FAM110C: variants seen among roughly 807,000 people sequenced by gnomAD.
FAM110C encodes family with sequence similarity 110 member C.
FAM110C carries 19 observed loss-of-function variants against 15.7 expected under a neutral mutation model. The observed-to-expected ratio is 1.21, with a 90% CI of 0.85 to 1.78. The LOEUF (loss-of-function observed/expected upper bound fraction) is 1.78, where lower values mean the gene tolerates loss of function less well. FAM110C is among the 40% of genes most tolerant of loss of function. The pLI, the probability that FAM110C is intolerant of heterozygous loss-of-function variation, is 0.00. For synonymous variants in FAM110C, 275 were observed against 233.9 expected (o/e 1.18, Z -1.61); for missense variants, 547 against 495.7 (o/e 1.10, Z -0.98).
At chr2:45,124 G>A (rs893806239) in intron 1 of FAM110C, 1 of 985,288 alleles carries the variant, frequency 1.0e-6, no homozygotes, top group African/African-American at 1.7e-5. Context: ...CAGCATTTTG[G>A]ATTTCTCCTG....
chr2:41,334 C>G lies in FAM110C; in HGVS notation c.*274G>C. Reference sequence around the variant, plus strand: ...CAAGTCAGTCAAAAAGATTTCCAAACAGCTTTACGGTTTCCAGCTGCCCTC... The same window carrying G: ...CAAGTCAGTCAAAAAGATTTCCAAAGAGCTTTACGGTTTCCAGCTGCCCTC... On this transcript the variant is annotated 3_prime_UTR_variant, in exon 2 of 2. Coordinates refer to ENST00000327669, the MANE Select transcript of FAM110C (RefSeq NM_001077710.3). 1 of 389,246 alleles carries G rather than the reference C, an allele frequency of 2.6e-6. No individual in the cohort carries two copies. Among genetic ancestry groups the G allele is most frequent in the Non-Finnish European group, 4.5e-6 (1 of 219,794 alleles). 24.1% of individuals were successfully genotyped at this position (389,246 alleles called of 1,614,324 possible).
intron 1 of FAM110C, 93 bp from the exon 2 acceptor site, chr2:41,720 A>G: frequency 1.4e-6 from 2 of 1,472,046 alleles, no homozygotes; most frequent in Non-Finnish European, 1.8e-6. Context: ...TGGTCCCTGT[A>G]GTTTTTGTTT....
Position 46,413 on chromosome 2 carries a change from T to G in FAM110C, c.-28A>C. The G allele has an allele frequency of 7.9e-7, 1 of 1,259,646 alleles. No individual in the cohort carries two copies. Among genetic ancestry groups the G allele is most frequent in the Non-Finnish European group, 1.0e-6 (1 of 1,002,296 alleles). The allele number at this position is 1,259,646 out of a possible 1,614,324, so 78.0% of individuals were successfully genotyped here. A position where few individuals can be genotyped will look rare whatever the true frequency, so the allele number is the denominator to read the frequency against. ...TCGCGGGGAATGGACCGACCGGGGTTCCGGGTCCAGCGGAGACGCGCTCGA... is the reference window on the plus strand; with the variant it reads ...TCGCGGGGAATGGACCGACCGGGGTGCCGGGTCCAGCGGAGACGCGCTCGA... On this transcript the variant is annotated 5_prime_UTR_variant, in exon 1 of 2. Coordinates refer to ENST00000327669, the MANE Select transcript of FAM110C (RefSeq NM_001077710.3).
intron 1 of FAM110C, chr2:44,697 G>T (rs1664229049): frequency 2.0e-6 from 2 of 985,338 alleles, no homozygotes; most frequent in East Asian, 1.1e-4. Context: ...AGGTCAATCC[G>T]GCACTACTGG....
chr2:42,950 T>C (rs1664165518), intron 1 of FAM110C: 1 of 985,456 alleles, frequency 1.0e-6, no homozygotes. Flanking sequence ...AAGGGACTTC[T>C]GCAGGAAGTC....
chr2:41,502 G>T lies in FAM110C; in HGVS notation c.*106C>A. 6 of 1,288,490 alleles carry T rather than the reference G, an allele frequency of 4.7e-6. No individual in the cohort carries two copies. The highest frequency in any genetic ancestry group is 5.5e-6 in the Non-Finnish European group (5 of 912,716). 79.8% of individuals were successfully genotyped at this position (1,288,490 alleles called of 1,614,324 possible). A position where few individuals can be genotyped will look rare whatever the true frequency, so the allele number is the denominator to read the frequency against. ...TCTCAGAGCACTTGTTTTGTCAATG[G>T]GATGCTGCATTCCTGGTAAAACAGC... On this transcript the variant is annotated 3_prime_UTR_variant, in exon 2 of 2. Transcript: ENST00000327669.
At chr2:44,252 A>G in intron 1 of FAM110C, 1 of 985,184 alleles carries the variant, frequency 1.0e-6, no homozygotes, top group Non-Finnish European at 1.2e-6. Context: ...ATAAGGAAGA[A>G]CTTAAGTCCT....
At chr2:43,172 G>C in intron 1 of FAM110C, 1 of 985,446 alleles carries the variant, frequency 1.0e-6, no homozygotes, top group Non-Finnish European at 1.2e-6. Flanking sequence ...TCTCTGCATT[G>C]CAGTTTCAAA....
chr2:42,854 T>C (rs1470703996), intron 1 of FAM110C: 11 of 985,460 alleles, frequency 1.1e-5, no homozygotes, highest in Non-Finnish European at 1.3e-5. Flanking sequence ...AATCCTAAAA[T>C]GAATCCTTAT....
Position 45,589 on chromosome 2 carries a change from C to T in FAM110C, c.797G>A (p.Gly266Asp), listed in dbSNP as rs1412530671. 7.4e-6 allele frequency: 12 copies of T among 1,612,634 alleles called. No individual in the cohort carries two copies. The highest frequency in any genetic ancestry group is 1.0e-5 in the Non-Finnish European group (12 of 1,179,898). ...SGSGFSRHSGGDDEGLQEEEL... is the reference protein window; with the variant it reads ...SGSGFSRHSGDDDEGLQEEEL... ...CTCCTCCTGCAGCCCCTCGTCGTCG[C>T]CGCCGCTGTGCCGGGAGAAGCCGCT... is the stretch of plus-strand genomic sequence containing the variant. The change falls in exon 1 of 2, where the codon GGC becomes GAC. Residue 266 changes from glycine (G) to aspartate (D), a missense_variant. By Grantham distance (94) the Gly-to-Asp change is moderately conservative. Coordinates refer to ENST00000327669, the MANE Select transcript of FAM110C (RefSeq NM_001077710.3).
At position 40,265 on chromosome 2, in the gene FAM110C, T is replaced by C. The variant is rs1664089086; in HGVS notation, c.*1343A>G. ...ATCTAAGTAACCCAATGACCTACTCTCACGGTAAAATAGTTACGAAAAAAG... is the reference window on the plus strand; with the variant it reads ...ATCTAAGTAACCCAATGACCTACTCCCACGGTAAAATAGTTACGAAAAAAG... On this transcript the variant is annotated 3_prime_UTR_variant, in exon 2 of 2. Transcript: ENST00000327669. 1 of 152,110 alleles carries C rather than the reference T, an allele frequency of 6.6e-6. No individual in the cohort carries two copies. The highest frequency in any genetic ancestry group is 1.5e-5 in the Non-Finnish European group (1 of 68,030). 9.4% of individuals were successfully genotyped at this position (152,110 alleles called of 1,614,324 possible).
Position 41,624 on chromosome 2 carries a change from C to T in FAM110C, c.950G>A (p.Ser317Asn). ...PSQEQSRTRG[S>N]KPSR Reference sequence around the variant, plus strand: ...AAGTCTTCATCATCGGGAAGGTTTGCTTCCTGAGGAGTTAAAGAAAAAATA... The same window carrying T: ...AAGTCTTCATCATCGGGAAGGTTTGTTTCCTGAGGAGTTAAAGAAAAAATA... Residue 317 changes from serine to asparagine, a missense_variant, in exon 2 of 2, where the codon AGC becomes AAC. By Grantham distance (46) the Ser-to-Asn change is conservative (BLOSUM62 1). Transcript: ENST00000327669. 4 of 1,613,434 alleles carry T rather than the reference C, an allele frequency of 2.5e-6. No homozygotes were observed. Among genetic ancestry groups the T allele is most frequent in the Non-Finnish European group, 3.4e-6 (4 of 1,179,782 alleles).
rs1664098398 is a variant in FAM110C at position 40,605 on chromosome 2, C to G, written c.*1003G>C. 6.6e-6 allele frequency: 1 copy of G among 152,132 alleles called. No individual in the cohort carries two copies. The highest frequency in any genetic ancestry group is 2.4e-5 in the African/African-American group (1 of 41,410). The allele number at this position is 152,132 out of a possible 1,614,324, so 9.4% of individuals were successfully genotyped here. ...AGGCTGTCCCTTGTTTCAAAATATG[C>G]CCTTTGCAGAAAAGAGTGAATTGGT... On this transcript the variant is annotated 3_prime_UTR_variant, in exon 2 of 2. Transcript: ENST00000327669.
intron 1 of FAM110C, chr2:43,422 C>G: frequency 3.0e-6 from 3 of 985,404 alleles, no homozygotes; most frequent in Non-Finnish European, 3.6e-6. Flanking sequence ...TTTCCTGCCT[C>G]CATCCTTAGT....
Position 45,966 on chromosome 2 carries a change from C to G in FAM110C, c.420G>C (p.Thr140=), listed in dbSNP as rs767749877. ...PGKDKAPVPR[T]GDEGKAGNPE... ...GGTTCCCGGCCTTGCCCTCGTCTCC[C>G]GTCCGGGGCACCGGCGCCTTGTCCT... The change falls in exon 1 of 2, where the codon ACG becomes ACC. Residue 140 remains threonine, a synonymous_variant. Coordinates refer to ENST00000327669, the MANE Select transcript of FAM110C (RefSeq NM_001077710.3). 7.6e-6 allele frequency: 11 copies of G among 1,445,940 alleles called. No individual in the cohort carries two copies. In the Admixed American group the frequency reaches 8.2e-5, roughly 11 times the overall value. 89.6% of individuals were successfully genotyped at this position (1,445,940 alleles called of 1,614,324 possible).
At position 43,773 on chromosome 2, in the gene FAM110C, G is replaced by A. The variant is rs146193467; in HGVS notation, c.946+1667C>T. On this transcript the variant is annotated intron_variant, in intron 1 of 1. Transcript: ENST00000327669. Reference sequence around the variant, plus strand: ...TCTACCTACTGCCTGCACATGCTATGGCTACCTGGAGGGAGCTTATTCATA... The same window carrying A: ...TCTACCTACTGCCTGCACATGCTATAGCTACCTGGAGGGAGCTTATTCATA... 822 of 985,344 alleles carry A rather than the reference G, an allele frequency of 8.3e-4. 3 individuals carry two copies. The African/African-American group carries it at 0.013, about 16-fold the overall frequency. The allele number at this position is 985,344 out of a possible 1,614,324, so 61.0% of individuals were successfully genotyped here.
At chr2:41,683 T>C (rs1664129847) in intron 1 of FAM110C, 56 bp from the exon 2 acceptor site, 2 of 1,609,368 alleles carry the variant, frequency 1.2e-6, no homozygotes, top group East Asian at 4.5e-5. Flanking sequence ...AAAGTTAGTA[T>C]AATGAAAACT....
In FAM110C at chr2:46,231, G is replaced by T. The variant is rs1346994447; in HGVS notation, c.155C>A (p.Pro52Gln). The T allele has an allele frequency of 1.4e-6, 2 of 1,402,518 alleles. No homozygotes were observed. Among genetic ancestry groups the T allele is most frequent in the South Asian group, 1.5e-5 (1 of 65,092 alleles). 86.9% of individuals were successfully genotyped at this position (1,402,518 alleles called of 1,614,324 possible). Residue 52 changes from proline (P) to glutamine (Q), a missense_variant, in exon 1 of 2, where the codon CCG (proline) becomes CAG (glutamine). Physicochemically the swap from Pro to Gln is moderately conservative, Grantham distance 76 (BLOSUM62 -1). Transcript: ENST00000327669. Reference sequence around the variant, plus strand: ...GGAAGCGACGCCCCGGCCAGTCCCCGGCCGACCCCGCACATACTTGGCGCG... The same window carrying T: ...GGAAGCGACGCCCCGGCCAGTCCCCTGCCGACCCCGCACATACTTGGCGCG... ...ADRAKYVRGR[P>Q]GTGRGVASEG...
rs559537549 is a variant in FAM110C, at chr2:46,495, G to T, written c.-110C>A. The stretch of plus-strand genomic sequence containing the variant: ...CCGAAGTCCGCGCCGGGTGGGGAAC[G>T]GCGCCCCAGTGCCCAGCTGCCCAGG... On this transcript the variant is annotated 5_prime_UTR_variant, in exon 1 of 2. Coordinates refer to ENST00000327669, the MANE Select transcript of FAM110C (RefSeq NM_001077710.3). The T allele has an allele frequency of 4.9e-4, 421 of 854,314 alleles. 4 individuals carry two copies. The African/African-American group carries it at 6.8e-3, about 14-fold the overall frequency. The allele number at this position is 854,314 out of a possible 1,614,324, so 52.9% of individuals were successfully genotyped here. A position where few individuals can be genotyped will look rare whatever the true frequency, so the allele number is the denominator to read the frequency against.
Sources: allele counts gnomAD v4.1 joint callset, GRCh38; gene constraint gnomAD v4.1.1; transcripts MANE v1.5; gene names NCBI Gene and HGNC (gene_info 2026-07-23, HGNC 2026-07-21).